NKAIN3: variants seen among roughly 807,000 people sequenced by gnomAD.
NKAIN3 encodes the protein sodium/potassium-transporting ATPase subunit beta-1-interacting protein 3.
In NKAIN3, 25 loss-of-function variants were observed where a neutral mutation model predicts 30.2. The ratio of observed to expected loss-of-function variants is 0.83; its 90% CI spans 0.60 to 1.16. The LOEUF is 1.16. Ranked by LOEUF, NKAIN3 falls within the 50% of genes most tolerant of loss-of-function variation. The pLI is 0.00. For synonymous variants in NKAIN3, 91 were observed against 89.6 expected, an observed-to-expected ratio of 1.02 and a Z score of -0.09; for missense variants, 225 against 254.1, an observed-to-expected ratio of 0.89 and a Z score of 0.78.
At chr8:62,580,316 A>G (rs1810251079) in intron 2 of NKAIN3, among the ~76,000 whole-genome samples, 1 of 152,176 alleles carries the variant, frequency 6.6e-6, no homozygotes, top group Admixed American at 6.5e-5. Context: ...CCCACAATCT[A>G]ATGGAAGTTA....
chr8:62,404,302 G>A (rs1018079454), intron 1 of NKAIN3, among the ~76,000 whole-genome samples: 5 of 152,186 alleles, frequency 3.3e-5, no homozygotes, highest in African/African-American at 1.2e-4. Context: ...GGAAGGGCAT[G>A]ATTGTGTTTT....
Position 62,618,535 on chromosome 8 carries a change from T to C in NKAIN3, c.273+28741T>C, listed in dbSNP as rs528007210. Among the ~76,000 whole-genome samples, 5 of 152,126 alleles carry C rather than the reference T, an allele frequency of 3.3e-5. No homozygotes were observed. In the South Asian group the frequency reaches 1.0e-3, roughly 32 times the overall value. On this transcript the variant is annotated intron_variant, in intron 3 of 6. Coordinates refer to ENST00000623646, the MANE Select transcript of NKAIN3 (RefSeq NM_001304533.3). ...GGTGGACAATTAGTTGTGGTGGCTTTTTTTTTTCTTTTCCCATGTGTTTAT... is the reference window on the plus strand; with the variant it reads ...GGTGGACAATTAGTTGTGGTGGCTTCTTTTTTTCTTTTCCCATGTGTTTAT...
intron 3 of NKAIN3, among the ~76,000 whole-genome samples, chr8:62,625,058 G>C (rs1811750762): frequency 6.6e-6 from 1 of 151,670 alleles, no homozygotes; most frequent in South Asian, 2.1e-4. Flanking sequence ...AAAATTCCTG[G>C]TCTGATAATT....
chr8:62,342,505 T>C (rs16928730), intron 1 of NKAIN3, among the ~76,000 whole-genome samples: 5,944 of 152,066 alleles, frequency 0.039, 419 homozygotes, highest in African/African-American at 0.14. Context: ...GTGTCTAGTC[T>C]CTTGATTCCT....
rs550484901 is a variant in NKAIN3 at position 62,433,773 on chromosome 8, A to G, written c.55-145766A>G. On this transcript the variant is annotated intron_variant, in intron 1 of 6. Transcript: ENST00000623646. The stretch of plus-strand genomic sequence containing the variant: ...TTTAGTTATTTAAATTAATTGGATT[A>G]AGAGGAGTTGGAAACTTCCCTGGCA... 6.6e-5 allele frequency among the ~76,000 whole-genome samples: 10 copies of G among 152,260 alleles called. 1 individual carries two copies. Among genetic ancestry groups the G allele is most frequent in the African/African-American group, 2.4e-4 (10 of 41,558 alleles).
At chr8:62,345,817 T>G (rs1815986648) in intron 1 of NKAIN3, among the ~76,000 whole-genome samples, 1 of 151,696 alleles carries the variant, frequency 6.6e-6, no homozygotes, top group Admixed American at 6.6e-5. Context: ...TGAAGAAAAA[T>G]AAAACAGTAT....
At chr8:62,364,979 G>A (rs1352845724) in intron 1 of NKAIN3, among the ~76,000 whole-genome samples, 2 of 151,980 alleles carry the variant, frequency 1.3e-5, no homozygotes, top group Non-Finnish European at 2.9e-5. Context: ...GGATGAATCA[G>A]TAGAGCTTAA....
intron 1 of NKAIN3, among the ~76,000 whole-genome samples, chr8:62,303,247 C>T (rs1814114251): frequency 6.7e-6 from 1 of 150,018 alleles, no homozygotes. Context: ...ACCTAATAGC[C>T]CTGGAATGAT....
At chr8:62,742,226 C>T (rs1263076958) in intron 3 of NKAIN3, among the ~76,000 whole-genome samples, 2 of 151,874 alleles carry the variant, frequency 1.3e-5, no homozygotes, top group African/African-American at 4.8e-5. Context: ...CAACTGAAAA[C>T]AAAGAAAGAA....
intron 1 of NKAIN3, among the ~76,000 whole-genome samples, chr8:62,535,707 C>A (rs546250306): frequency 6.6e-6 from 1 of 152,254 alleles, no homozygotes; most frequent in African/African-American, 2.4e-5. Context: ...GGTGCCCTAC[C>A]CTCCAGCAGC....
At chr8:62,490,695 G>A (rs1337216889) in intron 1 of NKAIN3, among the ~76,000 whole-genome samples, 1 of 152,088 alleles carries the variant, frequency 6.6e-6, no homozygotes. Context: ...TGATTCATGG[G>A]TACCAAATGA....
chr8:62,359,045 G>A (rs573232423), intron 1 of NKAIN3, among the ~76,000 whole-genome samples: 125 of 152,222 alleles, frequency 8.2e-4, no homozygotes, highest in African/African-American at 2.9e-3. Context: ...TTAGCTGGGC[G>A]TGGTGGCGGG....
intron 1 of NKAIN3, among the ~76,000 whole-genome samples, chr8:62,575,108 A>T (rs1774466297): frequency 6.6e-6 from 1 of 152,122 alleles, no homozygotes; most frequent in South Asian, 2.1e-4. Context: ...ATAGTACCAG[A>T]AGTACTAACT....
chr8:62,563,192 G>T (rs909449205), intron 1 of NKAIN3, among the ~76,000 whole-genome samples: 1 of 152,126 alleles, frequency 6.6e-6, no homozygotes, highest in Non-Finnish European at 1.5e-5. Context: ...GCTATTTGTG[G>T]ACTATAACTG....
intron 4 of NKAIN3, among the ~76,000 whole-genome samples, chr8:62,896,286 G>T (rs1349444522): frequency 6.6e-6 from 1 of 151,980 alleles, no homozygotes. Flanking sequence ...CTCATCATGG[G>T]GGCTCCACCC....
At chr8:62,535,524 T>A (rs1225758176) in intron 1 of NKAIN3, among the ~76,000 whole-genome samples, 2 of 152,180 alleles carry the variant, frequency 1.3e-5, no homozygotes, top group African/African-American at 4.8e-5. Flanking sequence ...AAGTTGGGAT[T>A]CCCATGATCC....
intron 4 of NKAIN3, among the ~76,000 whole-genome samples, chr8:62,912,272 C>T (rs768883919): frequency 3.3e-5 from 5 of 151,906 alleles, no homozygotes; most frequent in Non-Finnish European, 5.9e-5. Flanking sequence ...ATGGAGCTTG[C>T]AGGACTGGAA....
chr8:62,490,246 C>A (rs1807026250), intron 1 of NKAIN3, among the ~76,000 whole-genome samples: 1 of 152,058 alleles, frequency 6.6e-6, no homozygotes. Context: ...GAGGGCTGTA[C>A]AGTTTGGCTG....
chr8:62,287,164 C>T (rs1047692864), intron 1 of NKAIN3, among the ~76,000 whole-genome samples: 4 of 151,128 alleles, frequency 2.6e-5, no homozygotes, highest in Non-Finnish European at 5.9e-5. Context: ...ATTACAGTAG[C>T]CCTTTGGCTC....
Sources: gnomAD v4.1 joint callset for allele counts (sites outside exome capture counted in the v4.1 genomes callset) on GRCh38, gnomAD v4.1.1 for gene constraint, MANE v1.5 for transcripts, NCBI Gene and HGNC (gene_info 2026-07-23, HGNC 2026-07-21) for gene names.